The following METTL9 variants were observed in gnomAD, a reference collection of about 807,000 sequenced individuals.
The protein encoded by METTL9 is protein-L-histidine N-pros-methyltransferase.
In METTL9, 10 loss-of-function variants were observed where a neutral mutation model predicts 36.0. That is an observed-to-expected ratio of 0.28 (90% CI 0.17 to 0.47). The LOEUF (loss-of-function observed/expected upper bound fraction) is 0.47, where lower values mean the gene tolerates loss of function less well. Among genes scored for constraint, METTL9 ranks in the 20% least tolerant of loss-of-function variants. The pLI, the probability that METTL9 is intolerant of heterozygous loss-of-function variation, is 0.99. For synonymous variants in METTL9, 175 were observed against 149.7 expected, an observed-to-expected ratio of 1.17 and a Z score of -1.23; for missense variants, 246 against 383.5, an observed-to-expected ratio of 0.64 and a Z score of 3.00.
chr16:21,632,888 C>G (rs910930361), intron 4 of METTL9, among the ~76,000 whole-genome samples: 3 of 152,168 alleles, frequency 2.0e-5, no homozygotes, highest in African/African-American at 7.2e-5. Flanking sequence ...TATCCCTGCT[C>G]TCTCTGTGAT....
rs1965590108 is a variant in METTL9, at chr16:21,617,765, A to G, written c.357-100A>G. 2.9e-6 allele frequency: 3 copies of G among 1,029,420 alleles called. No homozygotes were observed. The South Asian group carries it at 4.0e-5, about 14-fold the overall frequency. The allele number at this position is 1,029,420 out of a possible 1,614,324, so 63.8% of individuals were successfully genotyped here. On this transcript the variant is annotated intron_variant, in intron 2 of 4. Transcript: ENST00000358154. ...AATCTTAACCATGTAATAAGTGATTATGGTTGTTGGTGCTGAGTCACTATA... is the reference window on the plus strand; with the variant it reads ...AATCTTAACCATGTAATAAGTGATTGTGGTTGTTGGTGCTGAGTCACTATA...
rs759702526 is a variant in METTL9, at chr16:21,655,461, C to T, written c.*29C>T. ...CGTGGAGGTCGAAGTCTTCAGAGTC[C>T]GCACCCTCCGGGATGTGCCCTTGGA... On this transcript the variant is annotated 3_prime_UTR_variant, in exon 5 of 5. Coordinates refer to ENST00000358154, the MANE Select transcript of METTL9 (RefSeq NM_016025.5). 54 of 1,586,616 alleles carry T rather than the reference C, an allele frequency of 3.4e-5. No individual in the cohort carries two copies. Among genetic ancestry groups the T allele is most frequent in the African/African-American group, 5.4e-5 (4 of 74,286 alleles).
intron 4 of METTL9, among the ~76,000 whole-genome samples, chr16:21,635,087 A>T (rs180710527): frequency 6.6e-6 from 1 of 152,288 alleles, no homozygotes; most frequent in Admixed American, 6.5e-5. Context: ...TTTTCATTAA[A>T]GGCCAGGGTT....
At chr16:21,600,234 C>T (rs923431252) in intron 1 of METTL9, among the ~76,000 whole-genome samples, 1 of 152,144 alleles carries the variant, frequency 6.6e-6, no homozygotes, top group African/African-American at 2.4e-5. Flanking sequence ...AACTTTGGGG[C>T]CAGAGCGTGG....
intron 4 of METTL9, among the ~76,000 whole-genome samples, chr16:21,645,685 G>C (rs1966403936): frequency 6.6e-6 from 1 of 152,162 alleles, no homozygotes; most frequent in African/African-American, 2.4e-5. Flanking sequence ...AAGCCTTGCA[G>C]CTTTGAGACC....
At chr16:21,625,487 T>C (rs1333452935) in intron 4 of METTL9, among the ~76,000 whole-genome samples, 1 of 152,228 alleles carries the variant, frequency 6.6e-6, no homozygotes, top group Non-Finnish European at 1.5e-5. Flanking sequence ...ACTTGCTGAA[T>C]GTCATGGCTG....
chr16:21,625,045 T>G lies in METTL9; in HGVS notation c.681T>G (p.Ser227Arg). 6.2e-7 allele frequency: 1 copy of G among 1,614,198 alleles called. No homozygotes were observed. Residue 227 changes from serine to arginine, a missense_variant, in exon 4 of 5, where the codon AGT (serine) becomes AGG (arginine). Transcript: ENST00000358154. ...TGACTTTGTTAAAAGATATCAGAAG[T>G]GTCTTGGAGCCAACTAGAGGCAGGG... is the stretch of plus-strand genomic sequence containing the variant. The part of the protein sequence containing the change: ...QPLTLLKDIR[S>R]VLEPTRGRVI...
At chr16:21,597,213 T>C (rs923141948), upstream of METTL9, 15 of 1,256,494 alleles carry the variant, frequency 1.2e-5, no homozygotes, top group African/African-American at 2.2e-4. Flanking sequence ...TCCTCATTTG[T>C]AATTCAGGAG....
chr16:21,651,841 A>C (rs2141626192), intron 4 of METTL9: 1 of 152,226 alleles, frequency 6.6e-6, no homozygotes, highest in East Asian at 1.9e-4. Flanking sequence ...AGTCTATGAA[A>C]GTAATATATA....
At chr16:21,612,296 C>T (rs549152457) in intron 1 of METTL9, 32 of 181,630 alleles carry the variant, frequency 1.8e-4, no homozygotes, top group Non-Finnish European at 2.7e-4. Flanking sequence ...TTCTAAATCT[C>T]GGGTACAGTG....
chr16:21,625,656 A>G (rs940836886), intron 4 of METTL9, among the ~76,000 whole-genome samples: 13 of 152,078 alleles, frequency 8.5e-5, no homozygotes, highest in African/African-American at 1.2e-4. Context: ...CTCTTCAGCA[A>G]TATTGAATGA....
Position 21,599,611 on chromosome 16 carries a change from G to C in METTL9, c.-123G>C. 7.5e-7 allele frequency: 1 copy of C among 1,329,642 alleles called. No individual in the cohort carries two copies. Among genetic ancestry groups the C allele is most frequent in the Non-Finnish European group, 9.5e-7 (1 of 1,048,220 alleles). 82.4% of individuals were successfully genotyped at this position (1,329,642 alleles called of 1,614,324 possible). Reference sequence around the variant, plus strand: ...CCCAGCCTTTGCCCTGAAGGGGGCTGGATGGGCAAGGCGGCCGCGATGGCT... The same window carrying C: ...CCCAGCCTTTGCCCTGAAGGGGGCTCGATGGGCAAGGCGGCCGCGATGGCT... On this transcript the variant is annotated 5_prime_UTR_variant, in exon 1 of 5. Transcript: ENST00000358154. The surrounding 1 kb of genome is among the most constrained non-coding windows in gnomAD (Gnocchi z 4.4).
intron 4 of METTL9, among the ~76,000 whole-genome samples, chr16:21,625,442 A>G (rs1263181958): frequency 6.6e-6 from 1 of 152,184 alleles, no homozygotes; most frequent in Non-Finnish European, 1.5e-5. Context: ...AACTGAATCG[A>G]GCAATAAACA....
intron 4 of METTL9, among the ~76,000 whole-genome samples, chr16:21,630,847 A>G (rs1014678091): frequency 6.6e-6 from 1 of 152,206 alleles, no homozygotes; most frequent in African/African-American, 2.4e-5. Context: ...GGGAGAAGCC[A>G]TGTTGCCCAA....
At chr16:21,632,871 C>A (rs1965998875) in intron 4 of METTL9, among the ~76,000 whole-genome samples, 1 of 152,166 alleles carries the variant, frequency 6.6e-6, no homozygotes. Context: ...GTAAGGACTC[C>A]AAGAGCTATC....
At chr16:21,641,480 G>C (rs1368442805) in intron 4 of METTL9, 2 of 1,025,660 alleles carry the variant, frequency 1.9e-6, no homozygotes, top group Non-Finnish European at 3.0e-6. Flanking sequence ...CATTAACACT[G>C]CCATAGCTCC....
At chr16:21,619,892 G>T (rs1380860748) in intron 3 of METTL9, among the ~76,000 whole-genome samples, 1 of 152,140 alleles carries the variant, frequency 6.6e-6, no homozygotes, top group Non-Finnish European at 1.5e-5. Context: ...AAGAAATTAT[G>T]TAATCACTCA....
At chr16:21,621,641 T>A (rs1156922245) in intron 3 of METTL9, among the ~76,000 whole-genome samples, 1 of 152,146 alleles carries the variant, frequency 6.6e-6, no homozygotes, top group South Asian at 2.1e-4. Flanking sequence ...TTTCTGCATT[T>A]CAAAAATAGG....
intron 4 of METTL9, chr16:21,652,000 C>G (rs1290256829): frequency 2.6e-5 from 4 of 151,910 alleles, no homozygotes; most frequent in African/African-American, 4.8e-5. Context: ...CCCTATAATC[C>G]AAATTGTGTG....
Sources: gnomAD v4.1 joint callset for allele counts (sites outside exome capture counted in the v4.1 genomes callset) on GRCh38, gnomAD v4.1.1 for gene constraint, Gnocchi (gnomAD v3.1) non-coding constraint, MANE v1.5 for transcripts, NCBI Gene and HGNC (gene_info 2026-07-23, HGNC 2026-07-21) for gene names.